The following SDK1 variants were observed in gnomAD, a reference collection of about 807,000 sequenced individuals.
SDK1 encodes the protein sidekick cell adhesion molecule 1, also known as protein sidekick-1.
A neutral mutation model predicts 245.5 loss-of-function variants in SDK1; 157 were observed. That is an observed-to-expected ratio of 0.64 (90% CI 0.56 to 0.73). SDK1 has a LOEUF of 0.73. Ranked by LOEUF, SDK1 falls within the 30% of genes least tolerant of loss-of-function variation. SDK1 has a pLI of 0.00. For missense variants in SDK1, 3,583 were observed against 3,002.3 expected, an observed-to-expected ratio of 1.19 and a Z score of -4.52; for synonymous variants, 1,647 against 1,278.5, an observed-to-expected ratio of 1.29 and a Z score of -6.15.
intron 17 of SDK1, among the ~76,000 whole-genome samples, chr7:4,037,703 A>G (rs1291139582): frequency 1.3e-5 from 2 of 152,180 alleles, no homozygotes; most frequent in Non-Finnish European, 2.9e-5. Flanking sequence ...AAGTGGGACC[A>G]TAGCATCTTG....
chr7:3,611,681 C>T (rs765764047), intron 1 of SDK1, among the ~76,000 whole-genome samples: 8 of 152,100 alleles, frequency 5.3e-5, no homozygotes, highest in Non-Finnish European at 1.2e-4. Context: ...AAAAGTGTTC[C>T]CTTTTCACCA....
intron 32 of SDK1, among the ~76,000 whole-genome samples, chr7:4,163,245 G>T (rs896060207): frequency 1.3e-5 from 2 of 152,156 alleles, no homozygotes; most frequent in Admixed American, 6.5e-5. Context: ...GGGAGCTGGG[G>T]TCAGGAGGGC....
intron 22 of SDK1, among the ~76,000 whole-genome samples, chr7:4,085,915 T>C (rs1781398705): frequency 6.6e-6 from 1 of 152,192 alleles, no homozygotes; most frequent in South Asian, 2.1e-4. Context: ...ATATAACTCA[T>C]TTACACGATC....
intron 1 of SDK1, among the ~76,000 whole-genome samples, chr7:3,518,258 TTTCTC>T (rs547689488): frequency 1.4e-4 from 22 of 152,098 alleles, no homozygotes; most frequent in Non-Finnish European, 2.1e-4. Flanking sequence ...GCATGAGCCT[TTTCTC>T]TTCAGGACAT....
At chr7:3,847,136 T>C (rs969401997) in intron 5 of SDK1, among the ~76,000 whole-genome samples, 1 of 152,020 alleles carries the variant, frequency 6.6e-6, no homozygotes, top group African/African-American at 2.4e-5. Flanking sequence ...TTCATGCCTC[T>C]CACGTACACC....
chr7:4,043,425 T>C (rs537002216), intron 17 of SDK1, among the ~76,000 whole-genome samples: 17 of 150,346 alleles, frequency 1.1e-4, no homozygotes, highest in Non-Finnish European at 1.9e-4. Flanking sequence ...GGGGCTCAGG[T>C]AGAGTGAGTG....
intron 9 of SDK1, among the ~76,000 whole-genome samples, chr7:3,966,805 C>T (rs1346770967): frequency 6.6e-6 from 1 of 152,118 alleles, no homozygotes; most frequent in Non-Finnish European, 1.5e-5. Context: ...CCTGCCTCCA[C>T]CTCCCAAGTA....
At chr7:3,800,362 C>CTTATTTATTTATTTAT (rs201361414) in intron 4 of SDK1, among the ~76,000 whole-genome samples, 5 of 141,572 alleles carry the variant, frequency 3.5e-5, no homozygotes, top group African/African-American at 1.1e-4. Context: ...TACTTACTTA[C>CTTATTTATTTATTTAT]TTACTTACTT....
chr7:3,524,557 C>G (rs1783055484), intron 1 of SDK1, among the ~76,000 whole-genome samples: 1 of 152,052 alleles, frequency 6.6e-6, no homozygotes, highest in African/African-American at 2.4e-5. Flanking sequence ...CGCTCATGTA[C>G]ACTTGTACAT....
intron 32 of SDK1, among the ~76,000 whole-genome samples, chr7:4,167,489 C>T (rs1223981091): frequency 2.0e-5 from 3 of 152,160 alleles, no homozygotes; most frequent in Non-Finnish European, 2.9e-5. Flanking sequence ...ATTTCTGAGG[C>T]GTGGCAGGCA....
At chr7:3,417,129 G>A (rs1256347819) in intron 1 of SDK1, among the ~76,000 whole-genome samples, 1 of 152,286 alleles carries the variant, frequency 6.6e-6, no homozygotes, top group African/African-American at 2.4e-5. Context: ...AGCCGAGACT[G>A]CGCCACTGCA....
At chr7:4,024,418 A>AGG (rs1468895572) in intron 17 of SDK1, among the ~76,000 whole-genome samples, 4 of 152,264 alleles carry the variant, frequency 2.6e-5, no homozygotes, top group African/African-American at 7.2e-5. Context: ...CCTGCAGAAT[A>AGG]GGATAATGTT....
intron 4 of SDK1, among the ~76,000 whole-genome samples, chr7:3,788,517 A>C (rs1780979994): frequency 6.6e-6 from 1 of 152,128 alleles, no homozygotes; most frequent in Admixed American, 6.5e-5. Flanking sequence ...TCCTATTAGA[A>C]TTCTGCATGC....
chr7:4,202,364 A>G (rs57442364), intron 35 of SDK1, among the ~76,000 whole-genome samples: 16,477 of 152,258 alleles, frequency 0.11, 940 homozygotes, highest in South Asian at 0.16. Context: ...TCCGAGTGCC[A>G]GCATCTTCTC....
At chr7:3,607,809 C>T in intron 1 of SDK1, among the ~76,000 whole-genome samples, 1 of 152,236 alleles carries the variant, frequency 6.6e-6, no homozygotes, top group East Asian at 1.9e-4. Context: ...TAGGAACTAA[C>T]ACGTAGATTG....
At chr7:3,418,008 C>T (rs1459480826) in intron 1 of SDK1, among the ~76,000 whole-genome samples, 2 of 151,992 alleles carry the variant, frequency 1.3e-5, no homozygotes, top group Non-Finnish European at 2.9e-5. Context: ...AGCAACTTTT[C>T]TTGAGTTTTA....
At chr7:3,365,700 G>T (rs1489140225) in intron 1 of SDK1, among the ~76,000 whole-genome samples, 4 of 152,072 alleles carry the variant, frequency 2.6e-5, no homozygotes, top group African/African-American at 7.2e-5. Flanking sequence ...TACTGCTGAG[G>T]ATGTAGAGAC....
chr7:3,616,310 G>T (rs1364345847), intron 1 of SDK1, among the ~76,000 whole-genome samples: 1 of 152,198 alleles, frequency 6.6e-6, no homozygotes, highest in African/African-American at 2.4e-5. Context: ...AATGTGAGGT[G>T]GGCAGCATGG....
rs143034724 is a variant in SDK1, at chr7:3,455,898, A to G, written c.298+154014A>G. ...TTGACATTCTATAAGGTGACATTCT[A>G]TGCATATAAGTTGACATTCTATGCT... On this transcript the variant is annotated intron_variant, in intron 1 of 44. Transcript: ENST00000404826. Among the ~76,000 whole-genome samples the G allele has an allele frequency of 3.2e-3, 488 of 152,330 alleles. 2 individuals are homozygous for G. The highest frequency in any genetic ancestry group is 0.01 in the African/African-American group (433 of 41,568).
Sources: allele counts gnomAD v4.1 joint callset (sites outside exome capture counted in the v4.1 genomes callset), GRCh38; gene constraint gnomAD v4.1.1; transcripts MANE v1.5; gene names NCBI Gene and HGNC (gene_info 2026-07-23, HGNC 2026-07-21).